Variants in TMEM132C observed in about 807,000 individuals in gnomAD.
TMEM132C encodes transmembrane protein 132C.
TMEM132C carries 29 observed loss-of-function variants against 61.4 expected under a neutral mutation model. The ratio of observed to expected loss-of-function variants is 0.47; its 90% CI spans 0.35 to 0.64. The LOEUF (loss-of-function observed/expected upper bound fraction) is 0.64, where lower values mean the gene tolerates loss of function less well. TMEM132C is among the 30% of genes least tolerant of loss of function. The probability of loss-of-function intolerance (pLI) is 0.00; values close to 1 mark genes in which losing one functional copy is unlikely to be tolerated. For synonymous variants in TMEM132C, 656 were observed against 633.1 expected (o/e 1.04, Z -0.54); for missense variants, 1,408 against 1,476.9 (o/e 0.95, Z 0.76).
chr12:128,491,632 G>A (rs7300616), intron 2 of TMEM132C, among the ~76,000 whole-genome samples: 2 of 151,908 alleles, frequency 1.3e-5, no homozygotes, highest in Non-Finnish European at 2.9e-5. Context: ...TGTCCCTGAT[G>A]TGCTGACACT....
chr12:128,507,850 T>C (rs1184699434), intron 2 of TMEM132C, among the ~76,000 whole-genome samples: 1 of 152,200 alleles, frequency 6.6e-6, no homozygotes, highest in Non-Finnish European at 1.5e-5. Context: ...GGCTGAGGCA[T>C]GGGAACCTGA....
intron 2 of TMEM132C, among the ~76,000 whole-genome samples, chr12:128,416,011 G>A (rs1868770304): frequency 1.3e-5 from 2 of 152,130 alleles, no homozygotes; most frequent in Non-Finnish European, 2.9e-5. Context: ...AAAGGCAGGG[G>A]AGAGATGAGA....
chr12:128,547,890 A>G (rs576373971), intron 3 of TMEM132C, among the ~76,000 whole-genome samples: 29 of 152,272 alleles, frequency 1.9e-4, no homozygotes, highest in African/African-American at 7.0e-4. Context: ...AAACACACAC[A>G]CCAAGTCTAA....
In TMEM132C at chr12:128,705,342, G is replaced by C. The variant is rs545600869; in HGVS notation, c.2374G>C (p.Val792Leu). The C allele has an allele frequency of 1.3e-6, 2 of 1,551,304 alleles. No homozygotes were observed. The highest frequency in any genetic ancestry group is 1.7e-6 in the Non-Finnish European group (2 of 1,146,908). ...ACGCAAGAGCATCCTGGCTGTGGGC[G>C]TCGGCAACGTCAGGGTCAAGTTCGG... ...SKRKSILAVGVGNVRVKFGQN... is the reference protein window; with the variant it reads ...SKRKSILAVGLGNVRVKFGQN... The change falls in exon 9 of 9, where the codon GTC (valine) becomes CTC (leucine). Residue 792 changes from valine to leucine, a missense_variant. Transcript: ENST00000435159.
intron 4 of TMEM132C, among the ~76,000 whole-genome samples, chr12:128,668,121 A>C (rs1025124279): frequency 6.6e-6 from 1 of 152,218 alleles, no homozygotes; most frequent in African/African-American, 2.4e-5. Flanking sequence ...AGAAAAGTAA[A>C]AAATTAAAAT....
chr12:128,278,697 C>T lies in TMEM132C; in HGVS notation c.85+11210C>T, dbSNP rs979089703. On this transcript the variant is annotated intron_variant, in intron 1 of 8. Coordinates refer to ENST00000435159, the MANE Select transcript of TMEM132C (RefSeq NM_001136103.3). This position sits in a 1 kb window ranked among gnomAD's most constrained non-coding sequence, Gnocchi z 4.2. ...CATGATGACTAAGTTTTTGTCTTAA[C>T]TTGTGTGGGCCACGGTTCCCAGATA... is the stretch of plus-strand genomic sequence containing the variant. Among the ~76,000 whole-genome samples the T allele has an allele frequency of 7.3e-5, 11 of 151,378 alleles. No homozygotes were observed. Among genetic ancestry groups the T allele is most frequent in the African/African-American group, 2.7e-4 (11 of 41,112 alleles).
At chr12:128,371,106 C>T (rs1347336895) in intron 1 of TMEM132C, among the ~76,000 whole-genome samples, 1 of 152,136 alleles carries the variant, frequency 6.6e-6, no homozygotes, top group Non-Finnish European at 1.5e-5. Flanking sequence ...CCGCATCTAA[C>T]ATCCTAACAT....
chr12:128,499,615 C>T (rs1231448918), intron 2 of TMEM132C, among the ~76,000 whole-genome samples: 1 of 152,114 alleles, frequency 6.6e-6, no homozygotes, highest in Non-Finnish European at 1.5e-5. Flanking sequence ...TTTTAAGCTC[C>T]CACGTATGAA....
chr12:128,694,129 A>G (rs1224651430), intron 6 of TMEM132C, 95 bp downstream of exon 6: 5 of 1,355,778 alleles, frequency 3.7e-6, no homozygotes, highest in Admixed American at 2.2e-5. Flanking sequence ...AGATGCTGGT[A>G]TTGTCTCAGC....
intron 3 of TMEM132C, among the ~76,000 whole-genome samples, chr12:128,546,141 G>T (rs796271870): frequency 5.3e-5 from 8 of 152,258 alleles, no homozygotes; most frequent in African/African-American, 1.7e-4. Flanking sequence ...CCCCAAGAAG[G>T]ATTTTAGTGC....
At chr12:128,490,919 A>G (rs76775565) in intron 2 of TMEM132C, among the ~76,000 whole-genome samples, 11,105 of 152,282 alleles carry the variant, frequency 0.073, 464 homozygotes, top group Middle Eastern at 0.1. Context: ...CTAAGCCCTC[A>G]TTGCCTTATC....
At chr12:128,358,621 G>A (rs1043438256) in intron 1 of TMEM132C, among the ~76,000 whole-genome samples, 1 of 151,574 alleles carries the variant, frequency 6.6e-6, no homozygotes, top group African/African-American at 2.4e-5. Context: ...ACAGGAATAG[G>A]GCCTTGAACC....
chr12:128,599,233 C>T (rs1876082560), intron 3 of TMEM132C, among the ~76,000 whole-genome samples: 1 of 152,198 alleles, frequency 6.6e-6, no homozygotes, highest in Admixed American at 6.5e-5. Context: ...ATCTTCCTCT[C>T]GTTGATAATC....
intron 3 of TMEM132C, among the ~76,000 whole-genome samples, chr12:128,563,501 A>G (rs1019976500): frequency 6.6e-6 from 1 of 152,234 alleles, no homozygotes; most frequent in Non-Finnish European, 1.5e-5. Flanking sequence ...CCACAAGCCA[A>G]GGACTCCTGT....
chr12:128,684,402 C>T (rs964734253), intron 5 of TMEM132C, among the ~76,000 whole-genome samples: 3 of 152,050 alleles, frequency 2.0e-5, no homozygotes, highest in East Asian at 1.9e-4. Context: ...TACAAGGAAG[C>T]ATATCCTATT....
rs1874844853 is a variant in TMEM132C at position 128,570,629 on chromosome 12, G to T, written c.1121+26526G>T. On this transcript the variant is annotated intron_variant, in intron 3 of 8. Coordinates refer to ENST00000435159, the MANE Select transcript of TMEM132C (RefSeq NM_001136103.3). The surrounding 1 kb of genome is among the most constrained non-coding windows in gnomAD (Gnocchi z 4.7). ...GCTCAGTGTCTCCACAACGCCAGGG[G>T]ACCCAGGCTCCTTTTCTCTTTCTGC... Among the ~76,000 whole-genome samples, 1 of 152,126 alleles carries T rather than the reference G, an allele frequency of 6.6e-6. No individual in the cohort carries two copies. The highest frequency in any genetic ancestry group is 1.5e-5 in the Non-Finnish European group (1 of 68,026).
chr12:128,549,108 C>T (rs1369108367), intron 3 of TMEM132C, among the ~76,000 whole-genome samples: 3 of 152,170 alleles, frequency 2.0e-5, no homozygotes, highest in Non-Finnish European at 2.9e-5. Flanking sequence ...AGGCGGGAGA[C>T]TGCCTTGGGG....
At chr12:128,476,641 T>A (rs1376036582) in intron 2 of TMEM132C, among the ~76,000 whole-genome samples, 1 of 152,212 alleles carries the variant, frequency 6.6e-6, no homozygotes, top group Non-Finnish European at 1.5e-5. Flanking sequence ...TTTTAACTAT[T>A]TAGATCTTAG....
At chr12:128,575,244 G>A (rs968981746) in intron 3 of TMEM132C, among the ~76,000 whole-genome samples, 5 of 152,206 alleles carry the variant, frequency 3.3e-5, no homozygotes, top group African/African-American at 1.2e-4. Context: ...CTTTGGGGGG[G>A]CCAAGGCAGG....
Sources: gnomAD v4.1 joint callset for allele counts (sites outside exome capture counted in the v4.1 genomes callset) on GRCh38, gnomAD v4.1.1 for gene constraint, Gnocchi (gnomAD v3.1) non-coding constraint, MANE v1.5 for transcripts, NCBI Gene and HGNC (gene_info 2026-07-23, HGNC 2026-07-21) for gene names.